Variants in FOXP1 observed in about 807,000 individuals in gnomAD.
The protein encoded by FOXP1 is forkhead box protein P1.
A neutral mutation model predicts 98.2 loss-of-function variants in FOXP1; 15 were observed. The observed-to-expected ratio is 0.15, with a 90% CI of 0.10 to 0.24. FOXP1 has a LOEUF of 0.24. FOXP1 is among the 10% of genes least tolerant of loss of function. The probability of loss-of-function intolerance (pLI) is 1.00; values close to 1 mark genes in which losing one functional copy is unlikely to be tolerated. For missense variants in FOXP1, 633 were observed against 848.5 expected (o/e 0.75, Z 3.15); for synonymous variants, 371 against 314.5 (o/e 1.18, Z -1.90).
chr3:71,073,930 C>T (rs1010228540), intron 7 of FOXP1, among the ~76,000 whole-genome samples: 1 of 152,146 alleles, frequency 6.6e-6, no homozygotes, highest in African/African-American at 2.4e-5. Context: ...GCTAAGATAA[C>T]AAGGACCAGA....
intron 3 of FOXP1, among the ~76,000 whole-genome samples, chr3:71,477,580 T>C (rs953462963): frequency 4.6e-5 from 7 of 152,216 alleles, no homozygotes; most frequent in African/African-American, 1.7e-4. Context: ...TATAAAACCA[T>C]ACAACATAGA....
At chr3:71,451,968 T>A (rs1263735786) in intron 3 of FOXP1, among the ~76,000 whole-genome samples, 1 of 152,096 alleles carries the variant, frequency 6.6e-6, no homozygotes, top group Non-Finnish European at 1.5e-5. Flanking sequence ...CTTCCTAGAG[T>A]GCAGTGTTTC....
chr3:70,972,192 G>A, intron 18 of FOXP1: 1 of 1,515,390 alleles, frequency 6.6e-7, no homozygotes, highest in South Asian at 1.3e-5. Context: ...TGGGATAGGA[G>A]CAGCAGCAAA....
At chr3:71,148,543 T>C (rs1260973654) in intron 6 of FOXP1, among the ~76,000 whole-genome samples, 1 of 152,218 alleles carries the variant, frequency 6.6e-6, no homozygotes, top group Non-Finnish European at 1.5e-5. Flanking sequence ...AGAATAAGCA[T>C]AGGCCCCTGA....
At chr3:71,256,895 A>G (rs1039665002) in intron 5 of FOXP1, among the ~76,000 whole-genome samples, 4 of 152,252 alleles carry the variant, frequency 2.6e-5, no homozygotes, top group East Asian at 3.8e-4. Context: ...TGGGGAAGAT[A>G]CTGGCACTTC....
chr3:70,999,204 C>T (rs540292579), intron 13 of FOXP1, among the ~76,000 whole-genome samples: 1 of 152,272 alleles, frequency 6.6e-6, no homozygotes, highest in African/African-American at 2.4e-5. Flanking sequence ...ATTCTTTTGC[C>T]TCAGCCTCCC....
intron 20 of FOXP1, among the ~76,000 whole-genome samples, chr3:70,962,364 A>G (rs1020980031): frequency 6.6e-6 from 1 of 152,212 alleles, no homozygotes; most frequent in African/African-American, 2.4e-5. Flanking sequence ...AATTTCTAAG[A>G]ATGGAATTGT....
At position 71,207,532 on chromosome 3, in the gene FOXP1, T is replaced by C. The variant is rs1048534735; in HGVS notation, c.-11-9140A>G. ...AAACTCCAATATACATATATGTATT[T>C]TCCCCCCTGAAACTTGCTCTCACAG... On this transcript the variant is annotated intron_variant, in intron 5 of 20. Coordinates refer to ENST00000649528, the MANE Select transcript of FOXP1 (RefSeq NM_001349338.3). Among the ~76,000 whole-genome samples the C allele has an allele frequency of 7.2e-5, 11 of 152,210 alleles. No individual in the cohort carries two copies. The South Asian group carries it at 2.1e-3, about 29-fold the overall frequency.
chr3:71,097,448 G>A (rs981811655), intron 7 of FOXP1, among the ~76,000 whole-genome samples: 1 of 152,096 alleles, frequency 6.6e-6, no homozygotes, highest in African/African-American at 2.4e-5. Flanking sequence ...TCTTTACAGA[G>A]AAATTTTGTT....
intron 11 of FOXP1, among the ~76,000 whole-genome samples, chr3:71,027,179 T>C (rs2046242539): frequency 6.6e-6 from 1 of 152,188 alleles, no homozygotes; most frequent in Non-Finnish European, 1.5e-5. Context: ...GCAAGTGTGT[T>C]TGCACTGGTG....
chr3:71,347,604 G>A (rs543476755), intron 4 of FOXP1, among the ~76,000 whole-genome samples: 10 of 152,210 alleles, frequency 6.6e-5, no homozygotes, highest in South Asian at 2.1e-4. Flanking sequence ...GAACAGAGTC[G>A]GCTGGGGGAG....
intron 3 of FOXP1, among the ~76,000 whole-genome samples, chr3:71,484,172 A>G (rs543002243): frequency 6.6e-6 from 1 of 152,350 alleles, no homozygotes; most frequent in East Asian, 1.9e-4. Context: ...TCTGATTATA[A>G]CAGCGTGGAG....
intron 7 of FOXP1, among the ~76,000 whole-genome samples, chr3:71,110,940 A>T (rs2057868066): frequency 6.6e-6 from 1 of 152,216 alleles, no homozygotes; most frequent in South Asian, 2.1e-4. Context: ...ATGGTTTACC[A>T]AATAAGTGTT....
intron 14 of FOXP1, among the ~76,000 whole-genome samples, chr3:70,978,878 T>A (rs759335180): frequency 4.7e-4 from 71 of 152,246 alleles, no homozygotes; most frequent in Non-Finnish European, 8.5e-4. Flanking sequence ...GCAACTGAGG[T>A]TTTTGATTTT....
At chr3:71,380,622 T>TA (rs2080076242) in intron 3 of FOXP1, among the ~76,000 whole-genome samples, 1 of 151,974 alleles carries the variant, frequency 6.6e-6, no homozygotes, top group Admixed American at 6.6e-5. Context: ...TTTACACTCT[T>TA]CAATGTTTGA....
intron 3 of FOXP1, among the ~76,000 whole-genome samples, chr3:71,482,967 C>G (rs1473366429): frequency 6.6e-6 from 1 of 151,854 alleles, no homozygotes; most frequent in Non-Finnish European, 1.5e-5. Flanking sequence ...TCCCATGTAG[C>G]TGGGACTACA....
chr3:71,385,962 C>T lies in FOXP1; in HGVS notation c.-167-26718G>A, dbSNP rs76734500. On this transcript the variant is annotated intron_variant, in intron 3 of 20. Coordinates refer to ENST00000649528, the MANE Select transcript of FOXP1 (RefSeq NM_001349338.3). ...AGACTCTGCCTGAAATTAACGTCTG[C>T]ACCTCAAGCCACATCCAAACCTCAG... Among the ~76,000 whole-genome samples, 1,223 of 152,288 alleles carry T rather than the reference C, an allele frequency of 8.0e-3. 13 individuals are homozygous for T. Among genetic ancestry groups the T allele is most frequent in the African/African-American group, 0.028 (1,179 of 41,554 alleles).
At chr3:71,366,951 T>A (rs763312632) in intron 3 of FOXP1, among the ~76,000 whole-genome samples, 2 of 152,238 alleles carry the variant, frequency 1.3e-5, no homozygotes, top group African/African-American at 4.8e-5. Flanking sequence ...TGTAAATAAA[T>A]TGCTTGATGT....
chr3:71,347,886 C>CAA lies in FOXP1; in HGVS notation c.-73+11262_-73+11263dup, dbSNP rs11286158. 9.1e-3 allele frequency among the ~76,000 whole-genome samples: 1,321 copies of CAA among 144,704 alleles called. 23 individuals carry two copies. Among genetic ancestry groups the CAA allele is most frequent in the African/African-American group, 0.033 (1,257 of 38,468 alleles). 94.9% of individuals were successfully genotyped at this position (144,704 alleles called of 152,430 possible). ...GCAACAAGAGCAAAACTCTGTCTCA[C>CAA]AAAAAAAAAAAACAGAGTTGTCCCT... On this transcript the variant is annotated intron_variant, in intron 4 of 20. Coordinates refer to ENST00000649528, the MANE Select transcript of FOXP1 (RefSeq NM_001349338.3).
Sources: allele counts gnomAD v4.1 joint callset (sites outside exome capture counted in the v4.1 genomes callset), GRCh38; gene constraint gnomAD v4.1.1; transcripts MANE v1.5; gene names NCBI Gene and HGNC (gene_info 2026-07-23, HGNC 2026-07-21).